Variants in MBOAT7 observed in about 807,000 individuals in gnomAD.
MBOAT7 encodes membrane-bound acylglycerophosphatidylinositol O-acyltransferase MBOAT7.
In MBOAT7, 40 loss-of-function variants were observed where a neutral mutation model predicts 47.4. That is an observed-to-expected ratio of 0.84 (90% CI 0.66 to 1.10). MBOAT7 has a LOEUF of 1.10. MBOAT7 is among the 50% of genes least tolerant of loss of function. The pLI, the probability that MBOAT7 is intolerant of heterozygous loss-of-function variation, is 0.00. For missense variants in MBOAT7, 680 were observed against 655.6 expected, an observed-to-expected ratio of 1.04 and a Z score of -0.41; for synonymous variants, 361 against 292.0, an observed-to-expected ratio of 1.24 and a Z score of -2.41.
At chr19:54,178,381 C>T in intron 7 of MBOAT7, 1 of 1,155,276 alleles carries the variant, frequency 8.7e-7, no homozygotes, top group Non-Finnish European at 1.1e-6. Context: ...TTCTATCTAC[C>T]TATGAAACCA....
At chr19:54,174,521 C>T (rs2076023541) in intron 7 of MBOAT7, 90 bp from the exon 8 acceptor site, 3 of 1,337,622 alleles carry the variant, frequency 2.2e-6, no homozygotes, top group Non-Finnish European at 2.0e-6. Context: ...CCCAGCCCCT[C>T]CTCCCTCAGA....
intron 3 of MBOAT7, 24 bp downstream of exon 3, chr19:54,188,193 C>A: frequency 1.9e-6 from 3 of 1,581,608 alleles, no homozygotes; most frequent in Non-Finnish European, 1.7e-6. Flanking sequence ...TCCTCTCCCT[C>A]TCCTCCCTCC....
chr19:54,177,921 T>G (rs912565286), intron 7 of MBOAT7, among the ~76,000 whole-genome samples: 7 of 92,794 alleles, frequency 7.5e-5, no homozygotes, highest in African/African-American at 2.1e-4. Flanking sequence ...TTTTTTTTTT[T>G]TTTTTTTTTG....
Position 54,187,183 on chromosome 19 carries a change from A to C in MBOAT7, c.311T>G (p.Val104Gly). Residue 104 changes from valine (V) to glycine (G), a missense_variant, in exon 4 of 8, where the codon GTC becomes GGC. Transcript: ENST00000245615. ...LPTPTPFTNA[V>G]QLLLTLKLVS... ...GACCTTCAGCGTCAGCAGCAGCTGG[A>C]CGGCATTGGTGAAGGGCGTGGGAGT... 1 of 1,583,142 alleles carries C rather than the reference A, an allele frequency of 6.3e-7. No homozygotes were observed. The highest frequency in any genetic ancestry group is 1.1e-5 in the South Asian group (1 of 87,114).
chr19:54,187,385 C>T (rs995859453), intron 3 of MBOAT7, 98 bp from the exon 4 acceptor site: 3 of 1,419,762 alleles, frequency 2.1e-6, no homozygotes, highest in Admixed American at 2.5e-5. Flanking sequence ...CCAGCTCTCC[C>T]CATTCGTTTA....
At chr19:54,175,110 G>T (rs796121140) in intron 7 of MBOAT7, among the ~76,000 whole-genome samples, 24 of 151,936 alleles carry the variant, frequency 1.6e-4, no homozygotes, top group African/African-American at 5.6e-4. Context: ...CGAGTAGCTG[G>T]GACTACAGGC....
rs1398814492 is a variant in MBOAT7, at chr19:54,180,498, G to A, written c.854+275C>T. ...TCTGTGGCAACAGAGGGGTGGCACAGGGTTGCTAAGTTACCACCTTTTCCT... is the reference window on the plus strand; with the variant it reads ...TCTGTGGCAACAGAGGGGTGGCACAAGGTTGCTAAGTTACCACCTTTTCCT... On this transcript the variant is annotated intron_variant, in intron 6 of 7. Coordinates refer to ENST00000245615, the MANE Select transcript of MBOAT7 (RefSeq NM_024298.5). This position sits in a 1 kb window ranked among gnomAD's most constrained non-coding sequence, Gnocchi z 5.2. The A allele has an allele frequency of 1.2e-5, 5 of 426,846 alleles. No homozygotes were observed. Among genetic ancestry groups the A allele is most frequent in the Non-Finnish European group, 1.7e-5 (4 of 240,262 alleles). 26.4% of individuals were successfully genotyped at this position (426,846 alleles called of 1,614,324 possible).
At chr19:54,185,440 G>A (rs2076403628) in intron 4 of MBOAT7, among the ~76,000 whole-genome samples, 2 of 152,004 alleles carry the variant, frequency 1.3e-5, no homozygotes, top group Admixed American at 6.6e-5. Flanking sequence ...TCCTTCTGCC[G>A]GGCTGGGGTT....
Position 54,188,364 on chromosome 19 carries a change from A to T in MBOAT7, c.77-18T>A. 1.2e-6 allele frequency: 2 copies of T among 1,611,700 alleles called. No individual in the cohort carries two copies. Among genetic ancestry groups the T allele is most frequent in the South Asian group, 1.1e-5 (1 of 90,790 alleles). Reference sequence around the variant, plus strand: ...CCCAGGACCTGCAGGGGGAAGGGACAGCATAAGCCTGGAACCTTCCAGAGG... The same window carrying T: ...CCCAGGACCTGCAGGGGGAAGGGACTGCATAAGCCTGGAACCTTCCAGAGG... On this transcript the variant is annotated intron_variant, in intron 2 of 7. Coordinates refer to ENST00000245615, the MANE Select transcript of MBOAT7 (RefSeq NM_024298.5).
At position 54,181,076 on chromosome 19, in the gene MBOAT7, G is replaced by T. The variant is rs1449584946; in HGVS notation, c.551C>A (p.Ala184Glu). 2.6e-6 allele frequency: 4 copies of T among 1,526,052 alleles called. No homozygotes were observed. Among genetic ancestry groups the T allele is most frequent in the Non-Finnish European group, 2.6e-6 (3 of 1,136,720 alleles). 94.5% of individuals were successfully genotyped at this position (1,526,052 alleles called of 1,614,324 possible). A position where few individuals can be genotyped will look rare whatever the true frequency, so the allele number is the denominator to read the frequency against. ...CAGCAGGGGCCGCAGGCTGGGCACT[G>T]CCCCGGGGAAGGGCTGCTCCAGCCA... ...LDWLEQPFPG[A>E]VPSLRPLLRR... The change falls in exon 6 of 8, where the codon GCA (alanine) becomes GAA (glutamate). Residue 184 changes from alanine (A) to glutamate (E), a missense_variant. Coordinates refer to ENST00000245615, the MANE Select transcript of MBOAT7 (RefSeq NM_024298.5).
intron 7 of MBOAT7, among the ~76,000 whole-genome samples, chr19:54,177,900 GTTTT>G (rs761565984): frequency 0.011 from 812 of 76,028 alleles, 12 homozygotes; most frequent in African/African-American, 0.036. Context: ...TTCTACTTCT[GTTTT>G]TTTTTTTTTT....
intron 4 of MBOAT7, 141 bp downstream of exon 4, chr19:54,187,020 C>T (rs748275807): frequency 6.0e-5 from 63 of 1,047,156 alleles, no homozygotes; most frequent in Non-Finnish European, 8.4e-5. Flanking sequence ...ATGCTGTGCC[C>T]AGGGCAGCAA....
rs556354713 is a variant in MBOAT7 at position 54,174,234 on chromosome 19, A to G, written c.1229T>C (p.Met410Thr). Residue 410 changes from methionine (M) to threonine (T), a missense_variant, in exon 8 of 8, where the codon ATG becomes ACG. Physicochemically the swap from Met to Thr is moderately conservative, Grantham distance 81. Coordinates refer to ENST00000245615, the MANE Select transcript of MBOAT7 (RefSeq NM_024298.5). Reference protein sequence around the residue: ...WFLKMRAYDYMCMGFVLLSLA... With the variant: ...WFLKMRAYDYTCMGFVLLSLA... ...GGAGAGCAGCACGAAGCCCATGCAC[A>G]TGTAGTCATAGGCGCGCATCTTCAG... is the stretch of plus-strand genomic sequence containing the variant. 106 of 1,606,228 alleles carry G rather than the reference A, an allele frequency of 6.6e-5. No individual in the cohort carries two copies. The highest frequency in any genetic ancestry group is 7.5e-5 in the Non-Finnish European group (88 of 1,175,482).
At chr19:54,175,117 A>G (rs1334878012) in intron 7 of MBOAT7, among the ~76,000 whole-genome samples, 8 of 151,838 alleles carry the variant, frequency 5.3e-5, no homozygotes, top group East Asian at 1.9e-4. Flanking sequence ...CTGGGACTAC[A>G]GGCGCCTGCC....
rs1244762433 is a variant in MBOAT7 at position 54,178,277 on chromosome 19, GGAA to G, written c.1031+485_1031+487del. ...ACAGAGTCTCCACTCGAGAAATATT[GGAA>G]GAATGAAAAACAATAAAAATGAATA... On this transcript the variant is annotated intron_variant, in intron 7 of 7. Transcript: ENST00000245615. The G allele has an allele frequency of 1.1e-5, 11 of 998,020 alleles. No individual in the cohort carries two copies. The African/African-American group carries it at 1.9e-4, about 17-fold the overall frequency. 61.8% of individuals were successfully genotyped at this position (998,020 alleles called of 1,614,324 possible).
chr19:54,178,693 T>A lies in MBOAT7; in HGVS notation c.1031+72A>T, dbSNP rs549764170. The A allele has an allele frequency of 3.8e-6, 6 of 1,567,760 alleles. No homozygotes were observed. In the African/African-American group the frequency reaches 8.1e-5, roughly 21 times the overall value. On this transcript the variant is annotated intron_variant, in intron 7 of 7. Transcript: ENST00000245615. The stretch of plus-strand genomic sequence containing the variant: ...GGGGCAGGGGCCCAGCCAGGGACGC[T>A]GCAGGCTACCCTGGGGCCTGCTGGG...
intron 4 of MBOAT7, among the ~76,000 whole-genome samples, chr19:54,186,688 C>T (rs2076436257): frequency 6.6e-6 from 1 of 152,198 alleles, no homozygotes; most frequent in East Asian, 1.9e-4. Flanking sequence ...GGATAAGCCG[C>T]CAGTAGGAAA....
At position 54,180,916 on chromosome 19, in the gene MBOAT7, G is replaced by A; in HGVS notation, c.711C>T (p.Val237=). The A allele has an allele frequency of 6.3e-7, 1 of 1,598,416 alleles. No individual in the cohort carries two copies. The highest frequency in any genetic ancestry group is 8.5e-7 in the Non-Finnish European group (1 of 1,174,328). Reference sequence around the variant, plus strand: ...AGAAGCGCATGCGGAAGGCGAAGAAGACGGGGATCATGTAGAAGAGGCGGG... The same window carrying A: ...AGAAGCGCATGCGGAAGGCGAAGAAAACGGGGATCATGTAGAAGAGGCGGG... ...LPARLFYMIP[V]FFAFRMRFYV... is the part of the protein sequence containing the mutation. Residue 237 remains valine, a synonymous_variant, in exon 6 of 8, where the codon GTC becomes GTT. Transcript: ENST00000245615. The surrounding 1 kb of genome is among the most constrained non-coding windows in gnomAD (Gnocchi z 5.2).
rs2147056334 is a variant in MBOAT7 at position 54,189,419 on chromosome 19, A to G, written c.-85T>C. ...AGCTCCGGCCACGCCTCCCCCGCCC[A>G]GCGCGCCCCCGCGCCGCCTGCTCCT... is the stretch of plus-strand genomic sequence containing the variant. On this transcript the variant is annotated 5_prime_UTR_variant, in exon 1 of 8. Coordinates refer to ENST00000245615, the MANE Select transcript of MBOAT7 (RefSeq NM_024298.5). 6.5e-6 allele frequency: 1 copy of G among 153,072 alleles called. No individual in the cohort carries two copies. Among genetic ancestry groups the G allele is most frequent in the East Asian group, 1.9e-4 (1 of 5,190 alleles). 9.5% of individuals were successfully genotyped at this position (153,072 alleles called of 1,614,324 possible). A position where few individuals can be genotyped will look rare whatever the true frequency, so the allele number is the denominator to read the frequency against.
Sources: allele counts gnomAD v4.1 joint callset (sites outside exome capture counted in the v4.1 genomes callset), GRCh38; gene constraint gnomAD v4.1.1; non-coding constraint Gnocchi (gnomAD v3.1); transcripts MANE v1.5; gene names NCBI Gene and HGNC (gene_info 2026-07-23, HGNC 2026-07-21).